Variants in MMRN1 observed in about 807,000 individuals in gnomAD.
MMRN1 encodes multimerin 1.
In MMRN1, 94 loss-of-function variants were observed where a neutral mutation model predicts 100.7. The ratio of observed to expected loss-of-function variants is 0.93; its 90% CI spans 0.79 to 1.11. The LOEUF (loss-of-function observed/expected upper bound fraction) is 1.11. Among genes scored for constraint, MMRN1 ranks in the 50% least tolerant of loss-of-function variants. The probability of loss-of-function intolerance (pLI) is 0.00; values close to 1 mark genes in which losing one functional copy is unlikely to be tolerated. For missense variants in MMRN1, 1,606 were observed against 1,439.1 expected (o/e 1.12, Z -1.88); for synonymous variants, 575 against 505.0 (o/e 1.14, Z -1.86).
intron 6 of MMRN1, among the ~76,000 whole-genome samples, chr4:89,943,796 C>G (rs1396786569): frequency 2.0e-5 from 3 of 152,080 alleles, no homozygotes; most frequent in Non-Finnish European, 4.4e-5. Context: ...TCGAGACCAG[C>G]CTGGCCAACC....
intron 1 of MMRN1, among the ~76,000 whole-genome samples, chr4:89,902,769 A>G (rs1395050719): frequency 6.6e-6 from 1 of 151,996 alleles, no homozygotes; most frequent in Non-Finnish European, 1.5e-5. Context: ...TTAACCATAA[A>G]TCAAAGTATC....
At chr4:89,909,751 T>G (rs543208383) in intron 2 of MMRN1, among the ~76,000 whole-genome samples, 1 of 151,500 alleles carries the variant, frequency 6.6e-6, no homozygotes, top group African/African-American at 2.4e-5. Context: ...TGCACAGTTT[T>G]GAAGATTTAT....
At chr4:89,950,211 AAT>A (rs1234554223) in intron 6 of MMRN1, among the ~76,000 whole-genome samples, 1 of 152,176 alleles carries the variant, frequency 6.6e-6, no homozygotes, top group Non-Finnish European at 1.5e-5. Context: ...CCTCAGTGGG[AAT>A]ATGTTACAAT....
intron 1 of MMRN1, among the ~76,000 whole-genome samples, chr4:89,897,511 A>AT (rs1327787848): frequency 1.3e-5 from 2 of 152,128 alleles, no homozygotes; most frequent in Non-Finnish European, 2.9e-5. Context: ...CCCAGCCAGA[A>AT]TTTTTTAATA....
rs1560595087 is a variant in MMRN1 at position 89,935,994 on chromosome 4, AT to A, written c.2318del (p.Leu773Ter). 6.2e-7 allele frequency: 1 copy of A among 1,613,228 alleles called. No individual in the cohort carries two copies. Among genetic ancestry groups the A allele is most frequent in the Admixed American group, 1.7e-5 (1 of 59,940 alleles). ...TAAATGTACCTCCGATATGGAAACT[AT>A]TTTGACATTTATTCCTCAGTTCCAC... Reference protein sequence around the residue: ...HHKCTSDMETILTFIPQFHRL... With the variant: ...HHKCTSDMETXLTFIPQFHRL... On this transcript the variant is annotated frameshift_variant, in exon 6 of 8. Transcript: ENST00000264790. LOFTEE classifies it high-confidence loss of function.
At chr4:89,913,168 T>C (rs890824606) in intron 3 of MMRN1, among the ~76,000 whole-genome samples, 10 of 151,426 alleles carry the variant, frequency 6.6e-5, no homozygotes, top group African/African-American at 1.9e-4. Flanking sequence ...ATACTCACAA[T>C]GGTAAAACAT....
chr4:89,931,077 A>G (rs1474614990), intron 5 of MMRN1, among the ~76,000 whole-genome samples: 1 of 152,128 alleles, frequency 6.6e-6, no homozygotes, highest in Non-Finnish European at 1.5e-5. Context: ...CATTACATAC[A>G]AATTGATCTT....
intron 3 of MMRN1, among the ~76,000 whole-genome samples, chr4:89,919,407 A>G (rs1422156151): frequency 6.6e-6 from 1 of 151,608 alleles, no homozygotes; most frequent in African/African-American, 2.4e-5. Context: ...ATAGTGGGTG[A>G]ATGCCATTAT....
chr4:89,924,010 A>G (rs1403500544), intron 4 of MMRN1, among the ~76,000 whole-genome samples: 4 of 152,282 alleles, frequency 2.6e-5, no homozygotes. Flanking sequence ...AAAGACCATA[A>G]TATTCTTGAA....
chr4:89,953,294 C>T lies in MMRN1; in HGVS notation c.3563C>T (p.Thr1188Ile), dbSNP rs769796688. ...GAAATACACTGTGATAGGGTTTTAA[C>T]TGGGGATGCCTTATTAGAATTAAAT... is the stretch of plus-strand genomic sequence containing the variant. ...NSEIHCDRVL[T>I]GDALLELNYG... The change falls in exon 8 of 8, where the codon ACT becomes ATT. Residue 1188 changes from threonine (T) to isoleucine (I), a missense_variant. Thr to Ile is a moderately conservative substitution (Grantham distance 89, BLOSUM62 -1). Transcript: ENST00000264790. The T allele has an allele frequency of 1.2e-6, 2 of 1,613,862 alleles. No individual in the cohort carries two copies. Among genetic ancestry groups the T allele is most frequent in the Non-Finnish European group, 1.7e-6 (2 of 1,179,834 alleles).
chr4:89,918,336 C>T (rs1392372843), intron 3 of MMRN1, among the ~76,000 whole-genome samples: 1 of 151,588 alleles, frequency 6.6e-6, no homozygotes, highest in African/African-American at 2.4e-5. Flanking sequence ...AGAGTGTCAT[C>T]TCTGAAAATC....
In MMRN1 at chr4:89,926,534, T is replaced by C. The variant is rs550127884; in HGVS notation, c.956-1261T>C. 1.6e-4 allele frequency among the ~76,000 whole-genome samples: 24 copies of C among 152,312 alleles called. 1 individual carries two copies. The East Asian group carries it at 4.6e-3, about 29-fold the overall frequency. ...TTTTATATTTTGATTATTAGTCCCTTGTCAGATGGGTGGTTTGCAAAGATT... is the reference window on the plus strand; with the variant it reads ...TTTTATATTTTGATTATTAGTCCCTCGTCAGATGGGTGGTTTGCAAAGATT... On this transcript the variant is annotated intron_variant, in intron 4 of 7. Coordinates refer to ENST00000264790, the MANE Select transcript of MMRN1 (RefSeq NM_007351.3).
intron 3 of MMRN1, among the ~76,000 whole-genome samples, chr4:89,916,071 T>C (rs1214965994): frequency 6.6e-6 from 1 of 151,692 alleles, no homozygotes. Context: ...AGTAACTGAC[T>C]CCACTGTCAG....
rs143331060 is a variant in MMRN1, at chr4:89,932,201, C to T, written c.1130-2609C>T. Among the ~76,000 whole-genome samples, 15 of 152,298 alleles carry T rather than the reference C, an allele frequency of 9.8e-5. No homozygotes were observed. The East Asian group carries it at 2.7e-3, about 27-fold the overall frequency. ...CCAGTGGAGCAGTCAAATATTAAAG[C>T]TCCGAAGTGATCTCCTTTGACTCCA... On this transcript the variant is annotated intron_variant, in intron 5 of 7. Coordinates refer to ENST00000264790, the MANE Select transcript of MMRN1 (RefSeq NM_007351.3).
At chr4:89,885,288 G>A (rs548693269) in intron 1 of MMRN1, among the ~76,000 whole-genome samples, 11 of 152,028 alleles carry the variant, frequency 7.2e-5, no homozygotes, top group African/African-American at 2.7e-4. Context: ...AATTACCCCT[G>A]TGGGATCATG....
intron 1 of MMRN1, among the ~76,000 whole-genome samples, chr4:89,880,833 C>G (rs1205322510): frequency 6.6e-6 from 1 of 152,088 alleles, no homozygotes; most frequent in African/African-American, 2.4e-5. Context: ...ACCACACCAG[C>G]AATCCCTGAC....
intron 3 of MMRN1, among the ~76,000 whole-genome samples, chr4:89,917,170 T>C (rs1721948650): frequency 6.6e-6 from 1 of 151,762 alleles, no homozygotes; most frequent in South Asian, 2.1e-4. Context: ...CTTTGAAGGA[T>C]GTTAAGTAAA....
chr4:89,893,861 T>C (rs1484920482), upstream of MMRN1, among the ~76,000 whole-genome samples: 1 of 152,094 alleles, frequency 6.6e-6, no homozygotes, highest in Non-Finnish European at 1.5e-5. Context: ...CAGACTGATA[T>C]GAAATTTTAT....
chr4:89,913,294 C>T (rs1260167668), intron 3 of MMRN1, among the ~76,000 whole-genome samples: 8 of 151,050 alleles, frequency 5.3e-5, no homozygotes, highest in Non-Finnish European at 8.9e-5. Context: ...TTATTAATTC[C>T]ATCATTATTT....
Sources: allele counts gnomAD v4.1 joint callset (sites outside exome capture counted in the v4.1 genomes callset), GRCh38; gene constraint gnomAD v4.1.1; transcripts MANE v1.5; gene names NCBI Gene and HGNC (gene_info 2026-07-23, HGNC 2026-07-21).